The following PPARGC1B variants were observed in gnomAD, a reference collection of about 807,000 sequenced individuals.
PPARGC1B encodes the protein PPARG coactivator 1 beta.
Under a neutral mutation model 101.6 loss-of-function variants are expected in PPARGC1B, and 34 were observed. The ratio of observed to expected loss-of-function variants is 0.33; its 90% CI spans 0.25 to 0.45. The LOEUF (loss-of-function observed/expected upper bound fraction) is 0.45. Among genes scored for constraint, PPARGC1B ranks in the 20% least tolerant of loss-of-function variants. PPARGC1B has a pLI of 1.00. For missense variants in PPARGC1B, 1,234 were observed against 1,317.6 expected (o/e 0.94, Z 0.98); for synonymous variants, 548 against 539.3 (o/e 1.02, Z -0.22).
intron 1 of PPARGC1B, among the ~76,000 whole-genome samples, chr5:149,737,011 T>C (rs919692423): frequency 4.6e-5 from 7 of 152,186 alleles, no homozygotes; most frequent in Admixed American, 3.9e-4. Context: ...GTATCTACCA[T>C]GGTAACATCA....
rs1291619506 is a variant in PPARGC1B at position 149,826,654 on chromosome 5, C to T, written c.253-19C>T. On this transcript the variant is annotated intron_variant, in intron 2 of 11. Coordinates refer to ENST00000309241, the MANE Select transcript of PPARGC1B (RefSeq NM_133263.4). The stretch of plus-strand genomic sequence containing the variant: ...TCTCCCCATCTGCCTTTCTGACCCT[C>T]CCGCCCTCCTCACTCCAGATTGACA... The T allele has an allele frequency of 3.7e-6, 6 of 1,603,056 alleles. No individual in the cohort carries two copies. The African/African-American group carries it at 4.0e-5, about 11-fold the overall frequency.
chr5:149,743,450 C>T (rs558066850), intron 1 of PPARGC1B, among the ~76,000 whole-genome samples: 4 of 152,182 alleles, frequency 2.6e-5, no homozygotes, highest in South Asian at 2.1e-4. Flanking sequence ...CCACCGTGCC[C>T]GGCCCTATTT....
At chr5:149,731,615 G>C (rs2113046876) in intron 1 of PPARGC1B, among the ~76,000 whole-genome samples, 1 of 152,060 alleles carries the variant, frequency 6.6e-6, no homozygotes, top group Middle Eastern at 3.4e-3. Flanking sequence ...GGGGGAAGGC[G>C]GAGATTGGGG....
chr5:149,805,089 G>T (rs995491286), intron 1 of PPARGC1B, among the ~76,000 whole-genome samples: 2 of 152,184 alleles, frequency 1.3e-5, no homozygotes, highest in Non-Finnish European at 2.9e-5. Context: ...TCGTGATGTT[G>T]CCTGGGCTTC....
intron 11 of PPARGC1B, 50 bp downstream of exon 11, chr5:149,845,964 A>T: frequency 1.2e-6 from 2 of 1,611,212 alleles, no homozygotes; most frequent in Non-Finnish European, 1.7e-6. Context: ...AAGCTTGGGA[A>T]GCAGTGCCTT....
rs1240462782 is a variant in PPARGC1B at position 149,826,718 on chromosome 5, C to T, written c.298C>T (p.Leu100=). ...CCTCCTGGCAGAGCTCACCAAGACC[C>T]TGGATGACATCCCTGAAGATGACGT... ...EALLAELTKT[L]DDIPEDDVGL... The change falls in exon 3 of 12, where the codon CTG becomes TTG. Residue 100 remains leucine (L), a synonymous_variant. Transcript: ENST00000309241. The T allele has an allele frequency of 1.2e-6, 2 of 1,613,838 alleles. No individual in the cohort carries two copies. The highest frequency in any genetic ancestry group is 1.7e-6 in the Non-Finnish European group (2 of 1,179,986).
At chr5:149,745,867 T>TG (rs1415920981) in intron 1 of PPARGC1B, among the ~76,000 whole-genome samples, 4 of 151,690 alleles carry the variant, frequency 2.6e-5, no homozygotes, top group African/African-American at 9.7e-5. Context: ...TCATAGGAGG[T>TG]GGGGGGATTA....
Position 149,730,862 on chromosome 5 carries a change from C to A in PPARGC1B, c.78+442C>A, listed in dbSNP as rs767012540. On this transcript the variant is annotated intron_variant, in intron 1 of 11. Transcript: ENST00000309241. This position sits in a 1 kb window ranked among gnomAD's most constrained non-coding sequence, Gnocchi z 4.0. ...GGGTGCATGCCCGGGTCTCCGGAGT[C>A]CCCTAGTCCTCCAGGCTGTAGTCCC... Among the ~76,000 whole-genome samples the A allele has an allele frequency of 1.6e-4, 25 of 152,234 alleles. No individual in the cohort carries two copies. The highest frequency in any genetic ancestry group is 3.2e-4 in the Non-Finnish European group (22 of 68,038).
chr5:149,842,445 G>C, intron 10 of PPARGC1B, 68 bp downstream of exon 10: 1 of 1,578,164 alleles, frequency 6.3e-7, no homozygotes, highest in East Asian at 2.3e-5. Flanking sequence ...CCAGAATTGG[G>C]TACCAGAAGA....
At chr5:149,828,757 C>G (rs935298091) in intron 3 of PPARGC1B, among the ~76,000 whole-genome samples, 1 of 152,178 alleles carries the variant, frequency 6.6e-6, no homozygotes, top group Non-Finnish European at 1.5e-5. Context: ...TCTGGAAGGG[C>G]CCTGAGGGAC....
intron 1 of PPARGC1B, among the ~76,000 whole-genome samples, chr5:149,774,379 G>T (rs1057286390): frequency 1.3e-5 from 2 of 152,184 alleles, no homozygotes; most frequent in African/African-American, 4.8e-5. Context: ...AGCCCTGGGT[G>T]CTGTGAGGTT....
In PPARGC1B at chr5:149,847,582, T is replaced by G; in HGVS notation, c.*24T>G. ...GATAACAGCCTTAACCCTCGAGGAA[T>G]ACCTCAATACCTCAGACAAGGCCCT... On this transcript the variant is annotated 3_prime_UTR_variant, in exon 12 of 12. Transcript: ENST00000309241. 29 of 1,480,814 alleles carry G rather than the reference T, an allele frequency of 2.0e-5. No homozygotes were observed. The highest frequency in any genetic ancestry group is 2.7e-5 in the Non-Finnish European group (29 of 1,059,084). 91.7% of individuals were successfully genotyped at this position (1,480,814 alleles called of 1,614,324 possible).
intron 7 of PPARGC1B, 21 bp downstream of exon 7, chr5:149,835,386 T>C: frequency 6.2e-7 from 1 of 1,610,104 alleles, no homozygotes; most frequent in Non-Finnish European, 8.5e-7. Flanking sequence ...GGGCTTCCAC[T>C]GGCAGGTGCC....
intron 1 of PPARGC1B, among the ~76,000 whole-genome samples, chr5:149,813,156 A>G (rs1383342719): frequency 1.3e-5 from 2 of 152,154 alleles, no homozygotes; most frequent in African/African-American, 4.8e-5. Context: ...TGGTATCGCC[A>G]TGGAAAGAGG....
At chr5:149,804,609 G>A (rs1163397737) in intron 1 of PPARGC1B, among the ~76,000 whole-genome samples, 3 of 152,212 alleles carry the variant, frequency 2.0e-5, no homozygotes, top group South Asian at 4.1e-4. Context: ...GAGACAGATT[G>A]CAGTGAGGTG....
chr5:149,745,430 T>C (rs1755051731), intron 1 of PPARGC1B, among the ~76,000 whole-genome samples: 1 of 152,098 alleles, frequency 6.6e-6, no homozygotes, highest in South Asian at 2.1e-4. Flanking sequence ...TCTTTGAGAG[T>C]AGGCCCTTAA....
intron 2 of PPARGC1B, among the ~76,000 whole-genome samples, chr5:149,822,543 C>T (rs2113363095): frequency 6.6e-6 from 1 of 152,360 alleles, no homozygotes; most frequent in East Asian, 1.9e-4. Context: ...GCTGTGTCTG[C>T]ATTGTGCATG....
At chr5:149,805,059 C>T (rs762566958) in intron 1 of PPARGC1B, among the ~76,000 whole-genome samples, 10 of 152,214 alleles carry the variant, frequency 6.6e-5, no homozygotes, top group Non-Finnish European at 1.2e-4. Context: ...CCCTGCCCCT[C>T]TTGATGGGAG....
chr5:149,742,021 G>A lies in PPARGC1B; in HGVS notation c.78+11601G>A, dbSNP rs554462534. ...CATGTCCTTCAAGGATGGTGATGAT[G>A]ATGATGATGGTGGTGGTGGTGATAA... On this transcript the variant is annotated intron_variant, in intron 1 of 11. Coordinates refer to ENST00000309241, the MANE Select transcript of PPARGC1B (RefSeq NM_133263.4). Among the ~76,000 whole-genome samples the A allele has an allele frequency of 2.7e-4, 41 of 152,328 alleles. 1 individual carries two copies. In the Middle Eastern group the frequency reaches 0.014, roughly 51 times the overall value.
Sources: gnomAD v4.1 joint callset for allele counts (sites outside exome capture counted in the v4.1 genomes callset) on GRCh38, gnomAD v4.1.1 for gene constraint, Gnocchi (gnomAD v3.1) non-coding constraint, MANE v1.5 for transcripts, NCBI Gene and HGNC (gene_info 2026-07-23, HGNC 2026-07-21) for gene names.